The following OSBPL11 variants were observed in gnomAD, a reference collection of about 807,000 sequenced individuals.
The protein encoded by OSBPL11 is oxysterol-binding protein-related protein 11.
OSBPL11 carries 33 observed loss-of-function variants against 84.4 expected under a neutral mutation model. The ratio of observed to expected loss-of-function variants is 0.39; its 90% CI spans 0.30 to 0.52. OSBPL11 has a LOEUF of 0.52. Ranked by LOEUF, OSBPL11 falls within the 20% of genes least tolerant of loss-of-function variation. OSBPL11 has a pLI of 0.72. For missense variants in OSBPL11, 736 were observed against 901.1 expected (o/e 0.82, Z 2.35); for synonymous variants, 276 against 310.2 (o/e 0.89, Z 1.16).
chr3:125,593,875 G>A (rs1245732897), intron 1 of OSBPL11, among the ~76,000 whole-genome samples: 2 of 152,012 alleles, frequency 1.3e-5, no homozygotes, highest in Non-Finnish European at 2.9e-5. Context: ...GATGGGATGT[G>A]CTGGTTTGTT....
At chr3:125,573,969 G>A (rs776808939) in intron 5 of OSBPL11, among the ~76,000 whole-genome samples, 1 of 149,938 alleles carries the variant, frequency 6.7e-6, no homozygotes, top group Non-Finnish European at 1.5e-5. Flanking sequence ...TAAAATGTTC[G>A]TTTCAAACTC....
At position 125,562,738 on chromosome 3, in the gene OSBPL11, C is replaced by A. The variant is rs144415757; in HGVS notation, c.1014+960G>T. On this transcript the variant is annotated intron_variant, in intron 7 of 12. Transcript: ENST00000296220. Reference sequence around the variant, plus strand: ...GGTCCAGAGTTCGAGACCAGCCTGACCAACATGGAGAAACCCCTTCTCTAC... The same window carrying A: ...GGTCCAGAGTTCGAGACCAGCCTGAACAACATGGAGAAACCCCTTCTCTAC... Among the ~76,000 whole-genome samples the A allele has an allele frequency of 9.0e-3, 1,373 of 152,174 alleles. 12 individuals are homozygous for A. Among genetic ancestry groups the A allele is most frequent in the Non-Finnish European group, 0.014 (922 of 68,000 alleles).
At position 125,529,330 on chromosome 3, in the gene OSBPL11, A is replaced by G. The variant is rs1935522926; in HGVS notation, c.*1185T>C. 1 of 152,230 alleles carries G rather than the reference A, an allele frequency of 6.6e-6. No individual in the cohort carries two copies. The highest frequency in any genetic ancestry group is 2.4e-5 in the African/African-American group (1 of 41,456). 9.4% of individuals were successfully genotyped at this position (152,230 alleles called of 1,614,324 possible). On this transcript the variant is annotated 3_prime_UTR_variant, in exon 13 of 13. Transcript: ENST00000296220. The stretch of plus-strand genomic sequence containing the variant: ...AGCTCTATTCTTTTAATTGCCAGCA[A>G]TTCTTCAACCTCAACAAAATACTTA...
rs772658844 is a variant in OSBPL11 at position 125,578,951 on chromosome 3, T to C, written c.489+9A>G. ...TTTGTATATTAATATTGTATATAAATCTACATACCTTTCCAATAGCTTCAG... is the reference window on the plus strand; with the variant it reads ...TTTGTATATTAATATTGTATATAAACCTACATACCTTTCCAATAGCTTCAG... On this transcript the variant is annotated intron_variant, in intron 4 of 12. Transcript: ENST00000296220. 4.0e-6 allele frequency: 6 copies of C among 1,504,660 alleles called. No homozygotes were observed. Among genetic ancestry groups the C allele is most frequent in the East Asian group, 2.3e-5 (1 of 42,714 alleles). 93.2% of individuals were successfully genotyped at this position (1,504,660 alleles called of 1,614,324 possible). A position where few individuals can be genotyped will look rare whatever the true frequency, so the allele number is the denominator to read the frequency against.
At chr3:125,567,304 A>T in intron 6 of OSBPL11, 90 bp downstream of exon 6, 3 of 1,176,772 alleles carry the variant, frequency 2.5e-6, no homozygotes, top group Non-Finnish European at 3.7e-6. Flanking sequence ...TTTTTAAGTT[A>T]AGATTTTCTG....
chr3:125,592,398 G>T (rs1936610797), intron 1 of OSBPL11, among the ~76,000 whole-genome samples: 1 of 152,060 alleles, frequency 6.6e-6, no homozygotes, highest in Non-Finnish European at 1.5e-5. Flanking sequence ...TGGAAAAGAG[G>T]AATAAGAGGT....
At chr3:125,531,684 A>G (rs1294364520) in intron 12 of OSBPL11, among the ~76,000 whole-genome samples, 177 bp downstream of exon 12, 1 of 151,800 alleles carries the variant, frequency 6.6e-6, no homozygotes, top group East Asian at 1.9e-4. Flanking sequence ...CTTTTTTTTG[A>G]GACAGAGTCT....
chr3:125,551,353 T>C (rs1001505910), intron 9 of OSBPL11, among the ~76,000 whole-genome samples: 3 of 151,488 alleles, frequency 2.0e-5, no homozygotes, highest in African/African-American at 7.3e-5. Context: ...AGGCTAAAAG[T>C]ATGAACATAC....
Position 125,560,538 on chromosome 3 carries a change from A to G in OSBPL11, c.1015-19T>C. ...CAGGCTCCTTGATGGAAAACAAAGC[A>G]AAAGTCTAGTATTTTAACTACCTAT... On this transcript the variant is annotated intron_variant, in intron 7 of 12. Transcript: ENST00000296220. 6.5e-7 allele frequency: 1 copy of G among 1,539,054 alleles called. No individual in the cohort carries two copies. Among genetic ancestry groups the G allele is most frequent in the Non-Finnish European group, 8.8e-7 (1 of 1,136,780 alleles).
intron 11 of OSBPL11, among the ~76,000 whole-genome samples, chr3:125,537,900 A>C (rs1935665562): frequency 6.6e-6 from 1 of 152,230 alleles, no homozygotes; most frequent in African/African-American, 2.4e-5. Flanking sequence ...CTGCCAAAAT[A>C]ACCTCTACAA....
At chr3:125,534,951 GAAAAAAAA>G (rs56164804) in intron 11 of OSBPL11, among the ~76,000 whole-genome samples, 8 of 64,640 alleles carry the variant, frequency 1.2e-4, no homozygotes, top group African/African-American at 3.0e-4. Flanking sequence ...TAAGAAATTA[GAAAAAAAA>G]AAAAAAAAAA....
chr3:125,560,590 A>C (rs1423724147), intron 7 of OSBPL11, 71 bp from the exon 8 acceptor site: 2 of 1,299,324 alleles, frequency 1.5e-6, no homozygotes, highest in Non-Finnish European at 2.0e-6. Context: ...CAAAACAATA[A>C]ATATCAGACT....
At chr3:125,553,660 C>T (rs1257791804) in intron 8 of OSBPL11, among the ~76,000 whole-genome samples, 1 of 152,038 alleles carries the variant, frequency 6.6e-6, no homozygotes, top group African/African-American at 2.4e-5. Flanking sequence ...GAAGGAAAAG[C>T]AATGTGAAAA....
intron 5 of OSBPL11, among the ~76,000 whole-genome samples, chr3:125,570,576 G>A (rs2107604316): frequency 6.6e-6 from 1 of 152,274 alleles, no homozygotes; most frequent in Admixed American, 6.5e-5. Context: ...TCTGTGTGTT[G>A]TGGGATAGAC....
chr3:125,564,906 C>A (rs1049821993), intron 6 of OSBPL11, among the ~76,000 whole-genome samples: 1 of 152,226 alleles, frequency 6.6e-6, no homozygotes, highest in Non-Finnish European at 1.5e-5. Context: ...CTGCCTGACT[C>A]CGCATCCCAA....
At chr3:125,574,494 T>G (rs1230700139) in intron 5 of OSBPL11, among the ~76,000 whole-genome samples, 1 of 151,646 alleles carries the variant, frequency 6.6e-6, no homozygotes, top group Non-Finnish European at 1.5e-5. Context: ...TTTTTTTTTT[T>G]TTTTCCTGTG....
intron 9 of OSBPL11, among the ~76,000 whole-genome samples, chr3:125,550,400 C>G (rs904080116): frequency 8.0e-6 from 1 of 125,024 alleles, no homozygotes; most frequent in Admixed American, 7.8e-5. Context: ...CACACACACA[C>G]ACACACAACA....
At position 125,552,312 on chromosome 3, in the gene OSBPL11, T is replaced by C; in HGVS notation, c.1523A>G (p.Gln508Arg). 1 of 1,614,138 alleles carries C rather than the reference T, an allele frequency of 6.2e-7. No homozygotes were observed. Among genetic ancestry groups the C allele is most frequent in the Non-Finnish European group, 8.5e-7 (1 of 1,180,026 alleles). Reference sequence around the variant, plus strand: ...TGAGACTGGAGGATGATGAGAAACCTGCTCAGCAACAAATCTGACTGTGTA... The same window carrying C: ...TGAGACTGGAGGATGATGAGAAACCCGCTCAGCAACAAATCTGACTGTGTA... ...DCYTVRFVAE[Q>R]VSHHPPVSGF... The change falls in exon 9 of 13, where the codon CAG (glutamine) becomes CGG (arginine). Residue 508 changes from glutamine to arginine, a missense_variant. Gln to Arg is a conservative substitution (Grantham distance 43). This residue lies in a region of OSBPL11 where 579 missense variants were observed against 717.6 expected (regional missense o/e 0.81). Transcript: ENST00000296220.
At chr3:125,589,052 T>G (rs559406622) in intron 1 of OSBPL11, among the ~76,000 whole-genome samples, 71 of 152,186 alleles carry the variant, frequency 4.7e-4, no homozygotes, top group Non-Finnish European at 8.7e-4. Flanking sequence ...GACAAATGAT[T>G]AGAAATGTAG....
Sources: allele counts gnomAD v4.1 joint callset (sites outside exome capture counted in the v4.1 genomes callset), GRCh38; gene constraint gnomAD v4.1.1; regional missense constraint gnomAD v4.1.1; transcripts MANE v1.5; gene names NCBI Gene and HGNC (gene_info 2026-07-23, HGNC 2026-07-21).